The following PIK3CD variants were observed in gnomAD, a reference collection of about 807,000 sequenced individuals.
PIK3CD encodes phosphatidylinositol-4,5-bisphosphate 3-kinase catalytic subunit delta.
PIK3CD carries 20 observed loss-of-function variants against 122.9 expected under a neutral mutation model. The observed-to-expected ratio is 0.16, with a 90% CI of 0.11 to 0.24. The LOEUF (loss-of-function observed/expected upper bound fraction) is 0.24, where lower values mean the gene tolerates loss of function less well. Ranked by LOEUF, PIK3CD falls within the 10% of genes least tolerant of loss-of-function variation. PIK3CD has a pLI of 1.00. For synonymous variants in PIK3CD, 596 were observed against 593.4 expected, an observed-to-expected ratio of 1.00 and a Z score of -0.06; for missense variants, 787 against 1,406.3, an observed-to-expected ratio of 0.56 and a Z score of 7.04.
chr1:9,694,245 C>G (rs1380567618), intron 2 of PIK3CD, among the ~76,000 whole-genome samples: 1 of 152,176 alleles, frequency 6.6e-6, no homozygotes, highest in Non-Finnish European at 1.5e-5. Context: ...GAAAAGCCAG[C>G]TTGTTGCTAG....
In PIK3CD at chr1:9,717,470, C is replaced by T. The variant is rs543212409; in HGVS notation, c.931-67C>T. ...CCCGCCCCCAAGTGGTCACGGGCCT[C>T]ACCATAGGCCAGGGAGACAAGCTGC... On this transcript the variant is annotated intron_variant, in intron 7 of 23. Transcript: ENST00000377346. The surrounding 1 kb of genome is among the most constrained non-coding windows in gnomAD (Gnocchi z 5.4). 1.7e-5 allele frequency: 26 copies of T among 1,499,444 alleles called. No homozygotes were observed. The highest frequency in any genetic ancestry group is 2.2e-5 in the Non-Finnish European group (24 of 1,076,540). 92.9% of individuals were successfully genotyped at this position (1,499,444 alleles called of 1,614,324 possible). A position where few individuals can be genotyped will look rare whatever the true frequency, so the allele number is the denominator to read the frequency against.
At chr1:9,660,969 C>G (rs1644992578) in intron 1 of PIK3CD, 1 of 149,058 alleles carries the variant, frequency 6.7e-6, no homozygotes, top group Non-Finnish European at 1.5e-5. Context: ...GAGTCTTGCT[C>G]TGTCGCCCAG....
chr1:9,724,380 G>C lies in PIK3CD; in HGVS notation c.2823G>C (p.Val941=), dbSNP rs752373388. The part of the protein sequence containing the change: ...PFILTYDFVH[V]IQQGKTNNSE... ...TCCTCACCTACGACTTTGTCCATGT[G>C]ATTCAGCAGGGGAAGACTAATAATA... The change falls in exon 22 of 24, where the codon GTG becomes GTC. Residue 941 remains valine (V), a synonymous_variant. Coordinates refer to ENST00000377346, the MANE Select transcript of PIK3CD (RefSeq NM_005026.5). The surrounding 1 kb of genome is among the most constrained non-coding windows in gnomAD (Gnocchi z 7.3). The C allele has an allele frequency of 9.9e-6, 16 of 1,614,010 alleles. No individual in the cohort carries two copies. In the East Asian group the frequency reaches 3.6e-4, roughly 36 times the overall value.
intron 1 of PIK3CD, among the ~76,000 whole-genome samples, chr1:9,663,268 G>A (rs1303724896): frequency 2.0e-5 from 3 of 152,146 alleles, no homozygotes; most frequent in Non-Finnish European, 4.4e-5. Context: ...CATGTTCAGG[G>A]CCTCCCACCA....
At chr1:9,630,569 T>C in the PIK3CD span, among the ~76,000 whole-genome samples, 2 of 152,190 alleles carry the variant, frequency 1.3e-5, no homozygotes, top group African/African-American at 2.4e-5. Context: ...GAATAGGCAA[T>C]CATGGTTGAG....
chr1:9,720,304 C>T lies in PIK3CD; in HGVS notation c.1470+62C>T. ...GGCGCGGAGCTCTCCTGGCCCTGCT[C>T]CTGGAGCTCTTCAGAGGGTGCTCCC... is the stretch of plus-strand genomic sequence containing the variant. On this transcript the variant is annotated intron_variant, in intron 11 of 23. Transcript: ENST00000377346. The surrounding 1 kb of genome is among the most constrained non-coding windows in gnomAD (Gnocchi z 9.0). 2 of 1,557,420 alleles carry T rather than the reference C, an allele frequency of 1.3e-6. No homozygotes were observed. The highest frequency in any genetic ancestry group is 2.4e-5 in the South Asian group (2 of 84,314).
upstream of PIK3CD, among the ~76,000 whole-genome samples, chr1:9,648,874 G>A (rs1346677431): frequency 6.6e-6 from 1 of 152,176 alleles, no homozygotes; most frequent in Non-Finnish European, 1.5e-5. Context: ...GGCTGAGGCG[G>A]GCAGATCACC....
the PIK3CD span, among the ~76,000 whole-genome samples, chr1:9,643,813 G>A: frequency 0.028 from 4,233 of 152,322 alleles, 150 homozygotes; most frequent in African/African-American, 0.074. Flanking sequence ...AGGCAGTTTG[G>A]TTCCAAAGAA....
intron 1 of PIK3CD, among the ~76,000 whole-genome samples, chr1:9,661,995 CAA>C (rs35250552): frequency 7.3e-6 from 1 of 136,714 alleles, no homozygotes. Context: ...GACTCTGTCT[CAA>C]AAAAAAAAAA....
intron 1 of PIK3CD, among the ~76,000 whole-genome samples, chr1:9,676,144 C>A (rs370268202): frequency 1.1e-4 from 16 of 152,248 alleles, no homozygotes; most frequent in African/African-American, 3.9e-4. Context: ...GTTGGCCAGG[C>A]TGGTCCTGAA....
intron 1 of PIK3CD, among the ~76,000 whole-genome samples, chr1:9,678,572 C>G (rs552230844): frequency 6.6e-6 from 1 of 152,200 alleles, no homozygotes; most frequent in Non-Finnish European, 1.5e-5. Context: ...AGCATGGACT[C>G]TCTCCAGAAA....
intron 2 of PIK3CD, among the ~76,000 whole-genome samples, chr1:9,702,552 C>CTTTTTTTTTTTTTTTTTTT (rs1557643688): frequency 3.5e-5 from 2 of 57,458 alleles, no homozygotes; most frequent in Non-Finnish European, 7.5e-5. Flanking sequence ...CAGAGTTTTG[C>CTTTTTTTTTTTTTTTTTTT]TCTTGCTGCC....
intron 1 of PIK3CD, among the ~76,000 whole-genome samples, chr1:9,660,541 A>G (rs1472477493): frequency 6.6e-6 from 1 of 152,108 alleles, no homozygotes; most frequent in Non-Finnish European, 1.5e-5. Context: ...AAGCAAGAAA[A>G]AATTACAGTC....
At chr1:9,691,266 C>T (rs1014044541) in intron 1 of PIK3CD, among the ~76,000 whole-genome samples, 1 of 152,192 alleles carries the variant, frequency 6.6e-6, no homozygotes, top group Admixed American at 6.5e-5. Context: ...GGTTTCAGTA[C>T]CACCAAAGGG....
At chr1:9,654,482 GCGA>G (rs772999891) in intron 1 of PIK3CD, 241 of 1,125,210 alleles carry the variant, frequency 2.1e-4, no homozygotes, top group Middle Eastern at 2.5e-4. Flanking sequence ...CAATGGTTGT[GCGA>G]AAGCCAGCCC....
chr1:9,722,359 G>A lies in PIK3CD; in HGVS notation c.2347+3G>A. The A allele has an allele frequency of 6.2e-7, 1 of 1,608,168 alleles. No individual in the cohort carries two copies. Among genetic ancestry groups the A allele is most frequent in the Middle Eastern group, 1.7e-4 (1 of 6,050 alleles). Reference sequence around the variant, plus strand: ...CATCATCTTTAAGAACGGGGATGGTGAGGGCCTGGCCTCCCCACACCCCGC... The same window carrying A: ...CATCATCTTTAAGAACGGGGATGGTAAGGGCCTGGCCTCCCCACACCCCGC... On this transcript the variant is annotated splice_donor_region_variant and intron_variant, in intron 18 of 23. Coordinates refer to ENST00000377346, the MANE Select transcript of PIK3CD (RefSeq NM_005026.5). The surrounding 1 kb of genome is among the most constrained non-coding windows in gnomAD (Gnocchi z 7.6).
upstream of PIK3CD, among the ~76,000 whole-genome samples, chr1:9,647,075 C>T (rs1303166257): frequency 6.6e-6 from 1 of 151,550 alleles, no homozygotes; most frequent in Non-Finnish European, 1.5e-5. Flanking sequence ...CGTGTCATTG[C>T]ACTCCAGCCT....
At chr1:9,726,305 G>A (rs1045913405) in intron 23 of PIK3CD, among the ~76,000 whole-genome samples, 4 of 152,014 alleles carry the variant, frequency 2.6e-5, no homozygotes, top group Non-Finnish European at 4.4e-5. Flanking sequence ...TCAGGAGATC[G>A]AGACCATCCT....
At chr1:9,695,807 ACT>A (rs1422525482) in intron 2 of PIK3CD, among the ~76,000 whole-genome samples, 85 of 149,972 alleles carry the variant, frequency 5.7e-4, no homozygotes, top group African/African-American at 1.7e-3. Context: ...GTGCCACTGC[ACT>A]CTCCAGCCTG....
Sources: gnomAD v4.1 joint callset for allele counts (sites outside exome capture counted in the v4.1 genomes callset) on GRCh38, gnomAD v4.1.1 for gene constraint, Gnocchi (gnomAD v3.1) non-coding constraint, MANE v1.5 for transcripts, NCBI Gene and HGNC (gene_info 2026-07-23, HGNC 2026-07-21) for gene names.